Variants in CSTF1 observed in about 807,000 individuals in gnomAD.
The protein encoded by CSTF1 is cleavage stimulation factor subunit 1.
CSTF1 carries 2 observed loss-of-function variants against 40.9 expected under a neutral mutation model. That is an observed-to-expected ratio of 0.05 (90% CI 0.02 to 0.15). The LOEUF (loss-of-function observed/expected upper bound fraction) is 0.15. Among genes scored for constraint, CSTF1 ranks in the 10% least tolerant of loss-of-function variants. The probability of loss-of-function intolerance (pLI) is 1.00; values close to 1 mark genes in which losing one functional copy is unlikely to be tolerated. For synonymous variants in CSTF1, 218 were observed against 207.2 expected, an observed-to-expected ratio of 1.05 and a Z score of -0.45; for missense variants, 279 against 558.9, an observed-to-expected ratio of 0.50 and a Z score of 5.05.
At chr20:56,403,319 T>G in intron 5 of CSTF1, 149 bp from the exon 6 acceptor site, 8 of 941,552 alleles carry the variant, frequency 8.5e-6, no homozygotes, top group Non-Finnish European at 1.1e-5. Flanking sequence ...CCTGGTTTGA[T>G]TTTCTTTTTT....
At chr20:56,393,222 A>G (rs1569110689) in intron 1 of CSTF1, among the ~76,000 whole-genome samples, 1 of 151,896 alleles carries the variant, frequency 6.6e-6, no homozygotes, top group Non-Finnish European at 1.5e-5. Context: ...GCAGAAGTGA[A>G]GAGACCGGAT....
At chr20:56,401,503 A>G (rs942339618) in intron 5 of CSTF1, among the ~76,000 whole-genome samples, 1 of 152,234 alleles carries the variant, frequency 6.6e-6, no homozygotes, top group Non-Finnish European at 1.5e-5. Context: ...GTTTGGTGTC[A>G]TATCAAAATT....
rs532585538 is a variant in CSTF1 at position 56,399,716 on chromosome 20, A to G, written c.1036+359A>G. On this transcript the variant is annotated intron_variant, in intron 5 of 5. Coordinates refer to ENST00000217109, the MANE Select transcript of CSTF1 (RefSeq NM_001324.3). The surrounding 1 kb of genome is among the most constrained non-coding windows in gnomAD (Gnocchi z 4.6). ...AAAGTTTCCAATAGTAGATCTCAGT[A>G]TTATTAATATATGTATTCATGAAAG... Among the ~76,000 whole-genome samples, 16 of 152,350 alleles carry G rather than the reference A, an allele frequency of 1.1e-4. No individual in the cohort carries two copies. Among genetic ancestry groups the G allele is most frequent in the African/African-American group, 1.4e-4 (6 of 41,594 alleles).
chr20:56,392,401 A>C (rs752574426), upstream of CSTF1: 1 of 152,422 alleles, frequency 6.6e-6, no homozygotes, highest in East Asian at 1.9e-4. Flanking sequence ...GCCAACGGCC[A>C]GCCAGACCTG....
chr20:56,404,665 A>T lies in CSTF1; in HGVS notation c.*938A>T, dbSNP rs1337291405. ...TCTTGAATTTTTTTTTTTTTAATTGAGGCACAGTCTTGCTCTGTCACCCAG... is the reference window on the plus strand; with the variant it reads ...TCTTGAATTTTTTTTTTTTTAATTGTGGCACAGTCTTGCTCTGTCACCCAG... On this transcript the variant is annotated 3_prime_UTR_variant, in exon 6 of 6. Transcript: ENST00000217109. The T allele has an allele frequency of 6.6e-6, 1 of 151,090 alleles. No homozygotes were observed. Among genetic ancestry groups the T allele is most frequent in the East Asian group, 1.9e-4 (1 of 5,164 alleles). 9.4% of individuals were successfully genotyped at this position (151,090 alleles called of 1,614,324 possible). A position where few individuals can be genotyped will look rare whatever the true frequency, so the allele number is the denominator to read the frequency against.
intron 1 of CSTF1, among the ~76,000 whole-genome samples, chr20:56,394,429 A>G (rs929609021): frequency 1.3e-5 from 2 of 152,224 alleles, no homozygotes; most frequent in Admixed American, 1.3e-4. Context: ...TCTACTAAAA[A>G]TACAAAAATT....
At position 56,397,217 on chromosome 20, in the gene CSTF1, C is replaced by T. The variant is rs774545207; in HGVS notation, c.180C>T (p.Asn60=). ...TTTGATTTCTTTCAGGAATGGAAAA[C>T]GATGACACCGCAGTTCAGTATGCAA... ...LLHLIKLGME[N]DDTAVQYAIG... is the part of the protein sequence containing the mutation. Residue 60 remains asparagine (N), a synonymous_variant, in exon 3 of 6, where the codon AAC becomes AAT. Coordinates refer to ENST00000217109, the MANE Select transcript of CSTF1 (RefSeq NM_001324.3). The surrounding 1 kb of genome is among the most constrained non-coding windows in gnomAD (Gnocchi z 4.4). 1.3e-5 allele frequency: 21 copies of T among 1,606,218 alleles called. No individual in the cohort carries two copies. The highest frequency in any genetic ancestry group is 1.6e-5 in the Non-Finnish European group (19 of 1,175,218).
chr20:56,397,102 G>A lies in CSTF1; in HGVS notation c.170-105G>A, dbSNP rs1343470395. 7.2e-6 allele frequency: 9 copies of A among 1,242,212 alleles called. No homozygotes were observed. Among genetic ancestry groups the A allele is most frequent in the East Asian group, 2.3e-5 (1 of 42,956 alleles). 76.9% of individuals were successfully genotyped at this position (1,242,212 alleles called of 1,614,324 possible). A position where few individuals can be genotyped will look rare whatever the true frequency, so the allele number is the denominator to read the frequency against. On this transcript the variant is annotated intron_variant, in intron 2 of 5. Coordinates refer to ENST00000217109, the MANE Select transcript of CSTF1 (RefSeq NM_001324.3). The surrounding 1 kb of genome is among the most constrained non-coding windows in gnomAD (Gnocchi z 4.4). Reference sequence around the variant, plus strand: ...GTCACGCGGCTCCAAGAAATAGGAGGTTGACACTGGTGAGCATCTTTCCAG... The same window carrying A: ...GTCACGCGGCTCCAAGAAATAGGAGATTGACACTGGTGAGCATCTTTCCAG...
At chr20:56,394,960 C>CT (rs894250728) in intron 1 of CSTF1, among the ~76,000 whole-genome samples, 2 of 151,668 alleles carry the variant, frequency 1.3e-5, no homozygotes, top group East Asian at 1.9e-4. Context: ...AGTACAGTTG[C>CT]TTTTTTTTGC....
chr20:56,402,785 A>T (rs1400213509), intron 5 of CSTF1, among the ~76,000 whole-genome samples: 1 of 151,224 alleles, frequency 6.6e-6, no homozygotes, highest in Admixed American at 6.6e-5. Context: ...AAATACAAAA[A>T]TTGGCTGGGT....
chr20:56,403,318 A>G (rs2146250203), intron 5 of CSTF1, 150 bp from the exon 6 acceptor site: 1 of 945,170 alleles, frequency 1.1e-6, no homozygotes, highest in Non-Finnish European at 1.6e-6. Flanking sequence ...GCCTGGTTTG[A>G]TTTTCTTTTT....
chr20:56,396,107 G>A (rs1266893408), intron 2 of CSTF1, among the ~76,000 whole-genome samples: 1 of 152,152 alleles, frequency 6.6e-6, no homozygotes, highest in Non-Finnish European at 1.5e-5. Flanking sequence ...TTTTATAACA[G>A]TTGTTTTGAA....
At chr20:56,401,073 A>G (rs1978429856) in intron 5 of CSTF1, among the ~76,000 whole-genome samples, 1 of 152,188 alleles carries the variant, frequency 6.6e-6, no homozygotes, top group African/African-American at 2.4e-5. Context: ...GTTAGAATTC[A>G]GAGGGTTTTT....
intron 5 of CSTF1, among the ~76,000 whole-genome samples, chr20:56,403,030 A>G (rs1309858132): frequency 6.6e-6 from 1 of 151,608 alleles, no homozygotes; most frequent in Non-Finnish European, 1.5e-5. Context: ...AACATGGAAA[A>G]ATGTACTCAG....
In CSTF1 at chr20:56,393,114, T is replaced by TAA. The variant is rs1457218320; in HGVS notation, c.-33+404_-33+405dup. Among the ~76,000 whole-genome samples, 115 of 96,884 alleles carry TAA rather than the reference T, an allele frequency of 1.2e-3. No individual in the cohort carries two copies. The Middle Eastern group carries it at 0.035, about 29-fold the overall frequency. The allele number at this position is 96,884 out of a possible 152,430, so 63.6% of individuals were successfully genotyped here. A position where few individuals can be genotyped will look rare whatever the true frequency, so the allele number is the denominator to read the frequency against. On this transcript the variant is annotated intron_variant, in intron 1 of 5. Coordinates refer to ENST00000217109, the MANE Select transcript of CSTF1 (RefSeq NM_001324.3). ...GTTGAGAAGTTAGGGGTGGGCCACT[T>TAA]AAAATATATATATATATACACACAC...
In CSTF1 at chr20:56,399,484, T is replaced by C. The variant is rs1978361269; in HGVS notation, c.1036+127T>C. 1.1e-6 allele frequency: 1 copy of C among 886,074 alleles called. No homozygotes were observed. The highest frequency in any genetic ancestry group is 1.7e-5 in the African/African-American group (1 of 59,324). 54.9% of individuals were successfully genotyped at this position (886,074 alleles called of 1,614,324 possible). A position where few individuals can be genotyped will look rare whatever the true frequency, so the allele number is the denominator to read the frequency against. ...GAGCAAGGCAGATGTTACCCTTTCT[T>C]AGATAAGAGGAAACCAAGACTTACA... On this transcript the variant is annotated intron_variant, in intron 5 of 5. Coordinates refer to ENST00000217109, the MANE Select transcript of CSTF1 (RefSeq NM_001324.3). This position sits in a 1 kb window ranked among gnomAD's most constrained non-coding sequence, Gnocchi z 4.6.
At chr20:56,393,374 G>A (rs1157241000) in intron 1 of CSTF1, among the ~76,000 whole-genome samples, 1 of 152,054 alleles carries the variant, frequency 6.6e-6, no homozygotes, top group East Asian at 1.9e-4. Context: ...CATTGAGCTA[G>A]CATACGGAAA....
intron 5 of CSTF1, among the ~76,000 whole-genome samples, chr20:56,403,008 C>G (rs529309871): frequency 6.6e-6 from 1 of 151,422 alleles, no homozygotes; most frequent in South Asian, 2.1e-4. Context: ...AGGCACTTTG[C>G]ATCTAGTAAA....
chr20:56,403,952 A>G lies in CSTF1; in HGVS notation c.*225A>G, dbSNP rs1317008620. The G allele has an allele frequency of 1.0e-5, 5 of 489,804 alleles. No homozygotes were observed. In the East Asian group the frequency reaches 1.5e-4, roughly 15 times the overall value. The allele number at this position is 489,804 out of a possible 1,614,324, so 30.3% of individuals were successfully genotyped here. On this transcript the variant is annotated 3_prime_UTR_variant, in exon 6 of 6. Coordinates refer to ENST00000217109, the MANE Select transcript of CSTF1 (RefSeq NM_001324.3). ...TGCAGTTCTACATTCACTGATTATT[A>G]CAGTGTGATTTTCATCGGTTTTGTA...
Sources: gnomAD v4.1 joint callset for allele counts (sites outside exome capture counted in the v4.1 genomes callset) on GRCh38, gnomAD v4.1.1 for gene constraint, Gnocchi (gnomAD v3.1) non-coding constraint, MANE v1.5 for transcripts, NCBI Gene and HGNC (gene_info 2026-07-23, HGNC 2026-07-21) for gene names.